Variants in PRKAG3 observed in about 807,000 individuals in gnomAD.
PRKAG3 encodes the protein protein kinase AMP-activated non-catalytic subunit gamma 3, also known as 5'-AMP-activated protein kinase subunit gamma-3.
A neutral mutation model predicts 56.5 loss-of-function variants in PRKAG3; 39 were observed. The ratio of observed to expected loss-of-function variants is 0.69; its 90% confidence interval spans 0.53 to 0.90. The LOEUF is 0.90. Among genes scored for constraint, PRKAG3 ranks in the 40% least tolerant of loss-of-function variants. The probability of loss-of-function intolerance (pLI) is 0.00; values close to 1 mark genes in which losing one functional copy is unlikely to be tolerated. For synonymous variants in PRKAG3, 243 were observed against 250.1 expected, an observed-to-expected ratio of 0.97 and a Z score of 0.27; for missense variants, 628 against 627.5, an observed-to-expected ratio of 1.00 and a Z score of -0.01.
exon 12 of PRKAG3, chr2:218,824,269 G>C (rs758515055): frequency 1.9e-6 from 3 of 1,614,164 alleles, no homozygotes; most frequent in Admixed American, 1.7e-5. Context: ...CTCTCGTGGG[G>C]CTGGCAGGAA....
At chr2:218,825,659 C>A (rs13415299) in intron 10 of PRKAG3, among the ~76,000 whole-genome samples, 152,178 of 152,178 alleles carry the variant, frequency 1, 76,089 homozygotes, top group Non-Finnish European at 1. Context: ...AAACAACACC[C>A]AAAATACCCA....
At chr2:218,830,711 G>T (rs1291755556) in intron 3 of PRKAG3, 35 bp downstream of exon 3, 1 of 1,604,156 alleles carries the variant, frequency 6.2e-7, no homozygotes, top group South Asian at 1.1e-5. Flanking sequence ...CCACTCCCCT[G>T]GCTCCCACCT....
chr2:218,823,629 C>T lies in PRKAG3; in HGVS notation c.*133G>A, dbSNP rs538692987. On this transcript the variant is annotated 3_prime_UTR_variant, in exon 13 of 13. Coordinates refer to ENST00000529249, the Ensembl canonical transcript of PRKAG3. ...GAAGACTAAGAGGCTGGTGTCATGG[C>T]CCAGGGCAGAGCCTACCTGAATCAT... is the stretch of plus-strand genomic sequence containing the variant. 5.7e-6 allele frequency: 9 copies of T among 1,576,164 alleles called. No homozygotes were observed. Among genetic ancestry groups the T allele is most frequent in the African/African-American group, 5.4e-5 (4 of 74,514 alleles).
At chr2:218,826,708 T>G in intron 10 of PRKAG3, 3 of 586,016 alleles carry the variant, frequency 5.1e-6, no homozygotes, top group Non-Finnish European at 9.1e-6. Context: ...GTCAGAAAGA[T>G]GAGTGTTGTG....
intron 4 of PRKAG3, among the ~76,000 whole-genome samples, chr2:218,829,315 T>A (rs1943983484): frequency 6.6e-6 from 1 of 151,490 alleles, no homozygotes; most frequent in South Asian, 2.1e-4. Flanking sequence ...TCTAAGTCAC[T>A]CTGTGATGCC....
exon 3 of PRKAG3, chr2:218,830,889 A>C (rs756777551): frequency 1.2e-6 from 2 of 1,613,676 alleles, no homozygotes; most frequent in Non-Finnish European, 1.7e-6. Context: ...TTCTTGCTCT[A>C]GGAAGCTCAT....
chr2:218,827,812 C>T lies in PRKAG3; in HGVS notation c.820+21G>A, dbSNP rs749073879. ...GCCCACCATCACCAACAGCCCTTTC[C>T]GGGTTCCTCTCCCCACTCACCCCTC... is the stretch of plus-strand genomic sequence containing the variant. On this transcript the variant is annotated intron_variant, in intron 7 of 12. Coordinates refer to ENST00000529249, the Ensembl canonical transcript of PRKAG3. The surrounding 1 kb of genome is among the most constrained non-coding windows in gnomAD (Gnocchi z 5.3). The T allele has an allele frequency of 9.3e-6, 15 of 1,612,472 alleles. No homozygotes were observed. The highest frequency in any genetic ancestry group is 6.7e-5 in the East Asian group (3 of 44,880).
Position 218,827,716 on chromosome 2 carries a change from C to G in PRKAG3, c.821-87G>C. 1 of 1,566,880 alleles carries G rather than the reference C, an allele frequency of 6.4e-7. No individual in the cohort carries two copies. Among genetic ancestry groups the G allele is most frequent in the Non-Finnish European group, 8.8e-7 (1 of 1,137,628 alleles). ...GGCAGCTTCCCTTCCGTCAGGCACC[C>G]GAGGCTCCTATTGTCCCTCCCCTGT... On this transcript the variant is annotated intron_variant, in intron 7 of 12. Coordinates refer to ENST00000529249, the Ensembl canonical transcript of PRKAG3. The surrounding 1 kb of genome is among the most constrained non-coding windows in gnomAD (Gnocchi z 5.3).
rs776633727 is a variant in PRKAG3, at chr2:218,823,863, G to A, written c.1369C>T (p.Leu457=). 5.6e-5 allele frequency: 90 copies of A among 1,613,962 alleles called. No homozygotes were observed. The Middle Eastern group carries it at 6.6e-4, about 12-fold the overall frequency. The stretch of plus-strand genomic sequence containing the variant: ...AAGAGATGCTGGGTCTCGTCCACTA[G>A]CACCAGCCTGTGTACCTGTGGGTCC... The change falls in exon 13 of 13, where the codon CTA becomes TTA. Residue 457 remains leucine, a synonymous_variant. Transcript: ENST00000529249.
intron 1 of PRKAG3, 64 bp from the exon 2 acceptor site, chr2:218,831,439 C>A: frequency 7.0e-7 from 1 of 1,434,656 alleles, no homozygotes; most frequent in Non-Finnish European, 9.5e-7. Flanking sequence ...CCCCTTCTCC[C>A]TGAACACACG....
exon 4 of PRKAG3, chr2:218,830,013 T>C (rs368307278): frequency 1.2e-6 from 2 of 1,613,834 alleles, no homozygotes; most frequent in Admixed American, 3.3e-5. Context: ...AGCTTGGAGC[T>C]AGTTGCCATG....
At chr2:218,824,012 T>C in intron 12 of PRKAG3, 134 bp from the exon 13 acceptor site, 1 of 1,199,642 alleles carries the variant, frequency 8.3e-7, no homozygotes, top group Non-Finnish European at 1.2e-6. Flanking sequence ...CAGTTAGGGA[T>C]GGTGTGACCG....
exon 13 of PRKAG3, chr2:218,823,602 A>G: frequency 6.8e-7 from 1 of 1,477,456 alleles, no homozygotes; most frequent in Non-Finnish European, 9.2e-7. Context: ...CCAGGAAATC[A>G]GGAAGACTAA....
chr2:218,830,525 G>A (rs768347282), intron 3 of PRKAG3, 144 bp from the exon 4 acceptor site: 132 of 1,216,532 alleles, frequency 1.1e-4, no homozygotes, highest in Non-Finnish European at 1.5e-4. Context: ...CCTGAGAGTC[G>A]CCCCAGGTAG....
chr2:218,823,584 T>C, exon 13 of PRKAG3: 1 of 1,382,466 alleles, frequency 7.2e-7, no homozygotes, highest in Non-Finnish European at 9.9e-7. Context: ...GGTGTCCCAA[T>C]CTGAGATCCA....
rs1311978163 is a variant in PRKAG3 at position 218,827,656 on chromosome 2, G to A, written c.821-27C>T. On this transcript the variant is annotated intron_variant, in intron 7 of 12. Coordinates refer to ENST00000529249, the Ensembl canonical transcript of PRKAG3. The surrounding 1 kb of genome is among the most constrained non-coding windows in gnomAD (Gnocchi z 5.3). ...TGCAGAAAGAGCCAGAGTCAGGCCA[G>A]GGGAGCCGGTCACCTGCCTCACCTT... The A allele has an allele frequency of 1.2e-6, 2 of 1,612,928 alleles. No homozygotes were observed. Among genetic ancestry groups the A allele is most frequent in the Middle Eastern group, 3.3e-4 (2 of 6,048 alleles).
intron 3 of PRKAG3, 73 bp downstream of exon 3, chr2:218,830,673 G>T (rs1234571212): frequency 6.5e-7 from 1 of 1,546,478 alleles, no homozygotes. Flanking sequence ...CTGAGGTAGA[G>T]ACCAGACCCA....
chr2:218,826,390 T>C (rs1467578991), intron 10 of PRKAG3, among the ~76,000 whole-genome samples: 1 of 152,208 alleles, frequency 6.6e-6, no homozygotes, highest in Non-Finnish European at 1.5e-5. Flanking sequence ...TTTTTCAGTG[T>C]AGGAAATTGA....
At position 218,823,818 on chromosome 2, in the gene PRKAG3, C is replaced by T. The variant is rs752199448; in HGVS notation, c.1414G>A (p.Asp472Asn). ...CTGAGCACCAGTGCCTGAAGGATGT[C>T]GGAGAGGGAGACCACGCCCAAGAGA... The change falls in exon 13 of 13, where the codon GAC (aspartate) becomes AAC (asparagine). Residue 472 changes from aspartate (D) to asparagine (N), a missense_variant. By Grantham distance (23) the Asp-to-Asn change is conservative. Coordinates refer to ENST00000529249, the Ensembl canonical transcript of PRKAG3. 6.2e-6 allele frequency: 10 copies of T among 1,613,978 alleles called. No individual in the cohort carries two copies. The Admixed American group carries it at 1.0e-4, about 16-fold the overall frequency.
Sources: allele counts gnomAD v4.1 joint callset (sites outside exome capture counted in the v4.1 genomes callset), GRCh38; gene constraint gnomAD v4.1.1; non-coding constraint Gnocchi (gnomAD v3.1); transcripts MANE v1.5; gene names NCBI Gene and HGNC (gene_info 2026-07-23, HGNC 2026-07-21).